PRR5L: variants seen among roughly 807,000 people sequenced by gnomAD.
The protein encoded by PRR5L is proline-rich protein 5-like.
PRR5L carries 21 observed loss-of-function variants against 36.4 expected under a neutral mutation model. That is an observed-to-expected ratio of 0.58 (90% CI 0.41 to 0.83). PRR5L has a LOEUF of 0.83. Among genes scored for constraint, PRR5L ranks in the 40% least tolerant of loss-of-function variants. The probability of loss-of-function intolerance (pLI) is 0.00; values close to 1 mark genes in which losing one functional copy is unlikely to be tolerated. For synonymous variants in PRR5L, 188 were observed against 197.0 expected, an observed-to-expected ratio of 0.95 and a Z score of 0.38; for missense variants, 381 against 473.3, an observed-to-expected ratio of 0.80 and a Z score of 1.81.
chr11:36,337,146 C>G (rs778647905), intron 1 of PRR5L, among the ~76,000 whole-genome samples: 3 of 152,198 alleles, frequency 2.0e-5, no homozygotes, highest in Non-Finnish European at 2.9e-5. Flanking sequence ...GCCACGGTCG[C>G]TGGGTCATGG....
intron 1 of PRR5L, chr11:36,349,834 G>C (rs998055409): frequency 1.4e-4 from 21 of 152,204 alleles, no homozygotes; most frequent in African/African-American, 5.1e-4. Context: ...CCTAGCTGCA[G>C]GAAAGGGGTG....
intron 1 of PRR5L, among the ~76,000 whole-genome samples, chr11:36,332,013 C>G (rs1856724232): frequency 6.6e-6 from 1 of 152,078 alleles, no homozygotes; most frequent in Non-Finnish European, 1.5e-5. Context: ...ATGCAGAAAA[C>G]CACAGGATTG....
At chr11:36,315,163 C>T (rs1856542961) in intron 1 of PRR5L, among the ~76,000 whole-genome samples, 1 of 152,182 alleles carries the variant, frequency 6.6e-6, no homozygotes, top group Non-Finnish European at 1.5e-5. Context: ...AATCACTACA[C>T]ATTAGTCTCC....
intron 1 of PRR5L, chr11:36,394,077 C>G (rs1328449871): frequency 6.6e-6 from 1 of 152,132 alleles, no homozygotes; most frequent in African/African-American, 2.4e-5. Context: ...GCAGTTTGAA[C>G]GGGCTAATAC....
intron 4 of PRR5L, among the ~76,000 whole-genome samples, chr11:36,423,738 G>A (rs1858320898): frequency 6.6e-6 from 1 of 152,208 alleles, no homozygotes; most frequent in Non-Finnish European, 1.5e-5. Flanking sequence ...CGGGGATCTG[G>A]TGAGAAGACA....
At chr11:36,325,170 G>A (rs1225145020) in intron 1 of PRR5L, among the ~76,000 whole-genome samples, 1 of 152,216 alleles carries the variant, frequency 6.6e-6, no homozygotes, top group Non-Finnish European at 1.5e-5. Context: ...CATGGGTCAC[G>A]GAAGAGAACC....
At chr11:36,433,235 C>T (rs1445025947) in intron 5 of PRR5L, among the ~76,000 whole-genome samples, 2 of 152,160 alleles carry the variant, frequency 1.3e-5, no homozygotes, top group East Asian at 1.9e-4. Flanking sequence ...AGAAACTCCA[C>T]GTCCATTGAA....
chr11:36,360,206 T>C (rs930597042), intron 1 of PRR5L, among the ~76,000 whole-genome samples: 5 of 152,182 alleles, frequency 3.3e-5, no homozygotes, highest in Non-Finnish European at 7.3e-5. Flanking sequence ...AATGACATAC[T>C]GTTCTTCTCT....
intron 1 of PRR5L, among the ~76,000 whole-genome samples, chr11:36,365,566 G>A (rs1334555107): frequency 6.6e-6 from 1 of 152,006 alleles, no homozygotes; most frequent in Non-Finnish European, 1.5e-5. Context: ...TTACAGTATT[G>A]CATGGAGTAT....
At chr11:36,400,325 T>C (rs1466931688) in intron 1 of PRR5L, among the ~76,000 whole-genome samples, 1 of 152,176 alleles carries the variant, frequency 6.6e-6, no homozygotes, top group Non-Finnish European at 1.5e-5. Flanking sequence ...AATAAATATT[T>C]ATTGCATGAG....
intron 1 of PRR5L, among the ~76,000 whole-genome samples, chr11:36,357,893 T>G (rs1228351569): frequency 1.3e-5 from 2 of 152,234 alleles, no homozygotes; most frequent in Non-Finnish European, 2.9e-5. Flanking sequence ...AAATACGTTT[T>G]GTAAGGCTAA....
chr11:36,416,329 G>T (rs760632985), intron 3 of PRR5L, among the ~76,000 whole-genome samples: 1 of 152,180 alleles, frequency 6.6e-6, no homozygotes, highest in Non-Finnish European at 1.5e-5. Flanking sequence ...ATTAAGAAAG[G>T]TCTTTTCTGT....
At chr11:36,394,624 A>G (rs1017069013) in intron 1 of PRR5L, among the ~76,000 whole-genome samples, 1 of 152,060 alleles carries the variant, frequency 6.6e-6, no homozygotes, top group African/African-American at 2.4e-5. Context: ...GCATTACTCC[A>G]GTTCCTGCGT....
chr11:36,315,506 C>T (rs1325237581), intron 1 of PRR5L, among the ~76,000 whole-genome samples: 1 of 152,202 alleles, frequency 6.6e-6, no homozygotes, highest in African/African-American at 2.4e-5. Flanking sequence ...CATAAACTTA[C>T]TAATAATTGT....
chr11:36,423,444 T>C (rs1858314878), intron 4 of PRR5L, among the ~76,000 whole-genome samples: 1 of 152,074 alleles, frequency 6.6e-6, no homozygotes, highest in African/African-American at 2.4e-5. Flanking sequence ...TTATACTTTG[T>C]TGGGACAAAG....
chr11:36,325,476 A>G (rs1004522215), intron 1 of PRR5L, among the ~76,000 whole-genome samples: 2 of 152,218 alleles, frequency 1.3e-5, no homozygotes, highest in African/African-American at 2.4e-5. Context: ...CTCCCATACA[A>G]AGGGAGGGGA....
At chr11:36,352,312 G>C (rs1442782089) in intron 1 of PRR5L, among the ~76,000 whole-genome samples, 2 of 151,814 alleles carry the variant, frequency 1.3e-5, no homozygotes, top group African/African-American at 4.8e-5. Flanking sequence ...TTGCTAATTT[G>C]TTTGAGTTCC....
intron 3 of PRR5L, among the ~76,000 whole-genome samples, chr11:36,413,653 G>A (rs35825266): frequency 0.13 from 19,507 of 151,500 alleles, 1,346 homozygotes; most frequent in African/African-American, 0.17. Context: ...GAATACATAT[G>A]GAAACACAGC....
chr11:36,427,945 C>T (rs1858415813), intron 4 of PRR5L, among the ~76,000 whole-genome samples: 1 of 152,242 alleles, frequency 6.6e-6, no homozygotes, highest in African/African-American at 2.4e-5. Flanking sequence ...TGCACATCTG[C>T]ACTGGGCACT....
Sources: allele counts gnomAD v4.1 joint callset (sites outside exome capture counted in the v4.1 genomes callset), GRCh38; gene constraint gnomAD v4.1.1; transcripts MANE v1.5; gene names NCBI Gene and HGNC (gene_info 2026-07-23, HGNC 2026-07-21).